The following SEMA3C variants were observed in gnomAD, a reference collection of about 807,000 sequenced individuals.
The protein encoded by SEMA3C is semaphorin-3C.
Under a neutral mutation model 89.4 loss-of-function variants are expected in SEMA3C, and 47 were observed. That is an observed-to-expected ratio of 0.53 (90% CI 0.42 to 0.67). SEMA3C has a LOEUF of 0.67. SEMA3C is among the 30% of genes least tolerant of loss of function. The pLI is 0.00. For missense variants in SEMA3C, 839 were observed against 929.1 expected (o/e 0.90, Z 1.26); for synonymous variants, 310 against 320.2 (o/e 0.97, Z 0.34).
At chr7:80,916,172 G>A (rs1792268789) in intron 2 of SEMA3C, among the ~76,000 whole-genome samples, 1 of 152,074 alleles carries the variant, frequency 6.6e-6, no homozygotes, top group South Asian at 2.1e-4. Flanking sequence ...CAATTAATTA[G>A]GGGACTATGC....
intron 14 of SEMA3C, among the ~76,000 whole-genome samples, chr7:80,760,701 C>G (rs1583851562): frequency 6.6e-6 from 1 of 152,156 alleles, no homozygotes; most frequent in Admixed American, 6.5e-5. Flanking sequence ...AAAAATAGGT[C>G]TCAGGCTTTT....
chr7:80,805,345 C>G (rs12537551), intron 7 of SEMA3C, among the ~76,000 whole-genome samples: 14,367 of 152,038 alleles, frequency 0.094, 879 homozygotes, highest in Non-Finnish European at 0.14. Flanking sequence ...AATTAAACAA[C>G]TGGAGAAGAT....
rs1441246783 is a variant in SEMA3C at position 80,744,078 on chromosome 7, T to G, written c.*816A>C. ...TTAATTTGCCACACAGACTAGGGAA[T>G]AAGAGAACAAACAGTAATAACTGAG... On this transcript the variant is annotated 3_prime_UTR_variant, in exon 18 of 18. Coordinates refer to ENST00000265361, the MANE Select transcript of SEMA3C (RefSeq NM_006379.5). The G allele has an allele frequency of 1.3e-5, 2 of 152,016 alleles. No homozygotes were observed. Among genetic ancestry groups the G allele is most frequent in the Non-Finnish European group, 2.9e-5 (2 of 67,946 alleles). 9.4% of individuals were successfully genotyped at this position (152,016 alleles called of 1,614,324 possible).
intron 2 of SEMA3C, among the ~76,000 whole-genome samples, chr7:80,863,337 AT>A (rs200332042): frequency 4.7e-5 from 7 of 150,318 alleles, no homozygotes; most frequent in African/African-American, 1.5e-4. Context: ...TAATCAAAAT[AT>A]TAAAAAAAAA....
At chr7:80,850,828 A>G (rs1790494010) in intron 2 of SEMA3C, among the ~76,000 whole-genome samples, 1 of 152,182 alleles carries the variant, frequency 6.6e-6, no homozygotes, top group Admixed American at 6.5e-5. Context: ...ATCAGTGTAT[A>G]TTAGTTTTCT....
chr7:80,755,964 C>G (rs187148767), intron 15 of SEMA3C, among the ~76,000 whole-genome samples: 60 of 152,204 alleles, frequency 3.9e-4, no homozygotes, highest in African/African-American at 1.2e-3. Flanking sequence ...CATGGAGGAA[C>G]ACAGTCTTGG....
At chr7:80,858,700 C>T (rs565548675) in intron 2 of SEMA3C, among the ~76,000 whole-genome samples, 2 of 152,184 alleles carry the variant, frequency 1.3e-5, no homozygotes, top group Admixed American at 1.3e-4. Context: ...AAACAAAAAG[C>T]TTGAGTTATA....
At chr7:80,785,493 C>A (rs1207352192) in intron 12 of SEMA3C, among the ~76,000 whole-genome samples, 8 of 152,124 alleles carry the variant, frequency 5.3e-5, no homozygotes, top group African/African-American at 1.9e-4. Context: ...TGGAAACACC[C>A]AAGAAATGTT....
intron 14 of SEMA3C, among the ~76,000 whole-genome samples, chr7:80,759,675 T>G (rs575449301): frequency 6.6e-6 from 1 of 152,228 alleles, no homozygotes; most frequent in Admixed American, 6.5e-5. Context: ...TAGCAATACA[T>G]GTTTTCAATT....
Position 80,752,523 on chromosome 7 carries a change from G to A in SEMA3C, c.1644-1187C>T, listed in dbSNP as rs372566884. 3.3e-5 allele frequency among the ~76,000 whole-genome samples: 5 copies of A among 150,400 alleles called. 1 individual carries two copies. The East Asian group carries it at 9.8e-4, about 30-fold the overall frequency. ...CCAGCTATTCAGGATGCTGAGGCAG[G>A]AGAATCGCTTGAACCCAGGAGGTGG... On this transcript the variant is annotated intron_variant, in intron 15 of 17. Coordinates refer to ENST00000265361, the MANE Select transcript of SEMA3C (RefSeq NM_006379.5).
chr7:80,808,796 CAG>C (rs1789400760), intron 6 of SEMA3C, among the ~76,000 whole-genome samples: 1 of 152,150 alleles, frequency 6.6e-6, no homozygotes, highest in Non-Finnish European at 1.5e-5. Flanking sequence ...AACTCAGAGA[CAG>C]AGTTTCACTC....
At chr7:80,816,467 A>G (rs1349316137) in intron 5 of SEMA3C, among the ~76,000 whole-genome samples, 1 of 152,188 alleles carries the variant, frequency 6.6e-6, no homozygotes, top group Non-Finnish European at 1.5e-5. Flanking sequence ...CTCTCAAAAT[A>G]AAACTTTCTG....
intron 2 of SEMA3C, chr7:80,905,943 T>A (rs1792004355): frequency 8.0e-7 from 1 of 1,254,654 alleles, no homozygotes; most frequent in African/African-American, 1.5e-5. Context: ...GAATTGAATG[T>A]AATTTTGTTT....
At chr7:80,826,850 A>G (rs1789883196) in intron 4 of SEMA3C, among the ~76,000 whole-genome samples, 1 of 152,194 alleles carries the variant, frequency 6.6e-6, no homozygotes, top group Non-Finnish European at 1.5e-5. Flanking sequence ...AAATCAATAT[A>G]GATTTCTTCC....
rs1019907968 is a variant in SEMA3C at position 80,820,692 on chromosome 7, C to T, written c.328-2274G>A. ...TACACAGTGTCATTTTATCTTGACA[C>T]CTGTTTATAGAGGTACCTGGAAATT... is the stretch of plus-strand genomic sequence containing the variant. On this transcript the variant is annotated intron_variant, in intron 4 of 17. Coordinates refer to ENST00000265361, the MANE Select transcript of SEMA3C (RefSeq NM_006379.5). 1.2e-4 allele frequency among the ~76,000 whole-genome samples: 18 copies of T among 152,052 alleles called. No homozygotes were observed. In the East Asian group the frequency reaches 2.7e-3, roughly 23 times the overall value.
At chr7:80,786,715 G>T (rs981383104) in intron 12 of SEMA3C, among the ~76,000 whole-genome samples, 2 of 152,140 alleles carry the variant, frequency 1.3e-5, no homozygotes, top group Non-Finnish European at 2.9e-5. Flanking sequence ...CATATTACAC[G>T]AGTAACAATG....
intron 15 of SEMA3C, among the ~76,000 whole-genome samples, chr7:80,751,569 T>C (rs1376571247): frequency 6.6e-6 from 1 of 152,194 alleles, no homozygotes; most frequent in East Asian, 1.9e-4. Context: ...CCATCTACCA[T>C]TCATGATGAA....
chr7:80,853,119 A>C (rs949214227), intron 2 of SEMA3C, among the ~76,000 whole-genome samples: 1 of 152,210 alleles, frequency 6.6e-6, no homozygotes, highest in African/African-American at 2.4e-5. Flanking sequence ...ACAGACACTA[A>C]CGAATGCTGG....
chr7:80,819,686 T>C (rs1195636228), intron 4 of SEMA3C, among the ~76,000 whole-genome samples: 1 of 152,186 alleles, frequency 6.6e-6, no homozygotes, highest in Admixed American at 6.5e-5. Context: ...CCAGTTCAAG[T>C]AAAGGCAAGG....
Sources: allele counts gnomAD v4.1 joint callset (sites outside exome capture counted in the v4.1 genomes callset), GRCh38; gene constraint gnomAD v4.1.1; transcripts MANE v1.5; gene names NCBI Gene and HGNC (gene_info 2026-07-23, HGNC 2026-07-21).